The following C11orf65 variants were observed in gnomAD, a reference collection of about 807,000 sequenced individuals.
C11orf65 encodes chromosome 11 open reading frame 65.
In C11orf65, 38 loss-of-function variants were observed where a neutral mutation model predicts 35.3. That is an observed-to-expected ratio of 1.08 (90% CI 0.83 to 1.41). The LOEUF (loss-of-function observed/expected upper bound fraction) is 1.41, where lower values mean the gene tolerates loss of function less well. Among genes scored for constraint, C11orf65 ranks in the 40% most tolerant of loss-of-function variants. The probability of loss-of-function intolerance (pLI) is 0.00; values close to 1 mark genes in which losing one functional copy is unlikely to be tolerated. For synonymous variants in C11orf65, 105 were observed against 114.4 expected (o/e 0.92, Z 0.53); for missense variants, 370 against 367.1 (o/e 1.01, Z -0.06).
At chr11:108,468,268 G>A (rs2093559412), upstream of C11orf65, among the ~76,000 whole-genome samples, 1 of 152,208 alleles carries the variant, frequency 6.6e-6, no homozygotes, top group Admixed American at 6.5e-5. Context: ...CTAAATGTAA[G>A]CTCTTCAGCT....
chr11:108,448,905 C>A (rs1591588091), intron 2 of C11orf65, among the ~76,000 whole-genome samples: 1 of 152,324 alleles, frequency 6.6e-6, no homozygotes, highest in South Asian at 2.1e-4. Context: ...AGCCCAAAAT[C>A]TCCTTAAGCT....
intron 2 of C11orf65, among the ~76,000 whole-genome samples, chr11:108,338,656 A>T (rs58448902): frequency 7.0e-6 from 1 of 143,852 alleles, no homozygotes; most frequent in Admixed American, 6.9e-5. Context: ...AACTTGTCTT[A>T]AAAAAAAAAA....
chr11:108,343,514 T>C, intron 2 of C11orf65: 1 of 995,794 alleles, frequency 1.0e-6, no homozygotes, highest in Non-Finnish European at 1.5e-6. Flanking sequence ...GAAAAACTCA[T>C]CAGAATGAAA....
intron 6 of C11orf65, among the ~76,000 whole-genome samples, chr11:108,319,692 A>G (rs2060931018): frequency 6.6e-6 from 1 of 152,236 alleles, no homozygotes; most frequent in South Asian, 2.1e-4. Context: ...TGCCTGGCAC[A>G]TAATAGGTAT....
chr11:108,367,253 C>T, intron 2 of C11orf65: 1 of 179,812 alleles, frequency 5.6e-6, no homozygotes, highest in Non-Finnish European at 1.2e-5. Context: ...TCCCAAAGTG[C>T]TGGGATTACA....
upstream of C11orf65, among the ~76,000 whole-genome samples, chr11:108,468,069 C>T (rs1416706427): frequency 4.6e-5 from 7 of 152,048 alleles, no homozygotes; most frequent in Non-Finnish European, 1.0e-4. Flanking sequence ...TGGGCTCCAG[C>T]GATCCCCCCC....
downstream of C11orf65, chr11:108,331,330 T>C (rs2086210046): frequency 6.8e-7 from 1 of 1,470,436 alleles, no homozygotes; most frequent in South Asian, 1.4e-5. Context: ...AGTGAAGTTT[T>C]GTTAACCACT....
rs773925925 is a variant in C11orf65, at chr11:108,333,799, G to A, written c.299+1421C>T. On this transcript the variant is annotated intron_variant, in intron 3 of 3. Coordinates refer to the C11orf65 transcript ENST00000524755. Reference sequence around the variant, plus strand: ...GAACCACAGATTAGCAACAAGTTGGGGCCAGTGGTATCTGCTGACTATTCC... The same window carrying A: ...GAACCACAGATTAGCAACAAGTTGGAGCCAGTGGTATCTGCTGACTATTCC... 2.9e-6 allele frequency: 3 copies of A among 1,043,260 alleles called. No individual in the cohort carries two copies. In the African/African-American group the frequency reaches 4.7e-5, roughly 16 times the overall value. 64.6% of individuals were successfully genotyped at this position (1,043,260 alleles called of 1,614,324 possible).
At chr11:108,409,492 T>C (rs982420889) in intron 3 of C11orf65, among the ~76,000 whole-genome samples, 3 of 152,204 alleles carry the variant, frequency 2.0e-5, no homozygotes, top group African/African-American at 4.8e-5. Flanking sequence ...GTAGAAATCA[T>C]ACTTCACATT....
rs576552634 is a variant in C11orf65 at position 108,463,916 on chromosome 11, A to G, written c.-9-2348T>C. 1.0e-3 allele frequency among the ~76,000 whole-genome samples: 152 copies of G among 145,446 alleles called. 1 individual carries two copies. The Middle Eastern group carries it at 0.024, about 23-fold the overall frequency. On this transcript the variant is annotated intron_variant, in intron 1 of 8. Transcript: ENST00000393084. ...AGGAATGATATTTCAGGCCTAAAAG[A>G]TTTGTTAATTTTTTTTTTTTTTTTT...
At chr11:108,308,981 G>C in exon 7 of C11orf65, 1 of 1,515,152 alleles carries the variant, frequency 6.6e-7, no homozygotes, top group Non-Finnish European at 8.9e-7. Context: ...TTACCATTGG[G>C]GTAGAATGGT....
chr11:108,389,946 A>G (rs179109), intron 7 of C11orf65, among the ~76,000 whole-genome samples: 81,052 of 151,072 alleles, frequency 0.54, 22,310 homozygotes, highest in Middle Eastern at 0.74. Flanking sequence ...CGCCCTCCTC[A>G]GCCTCCCAAA....
intron 3 of C11orf65, among the ~76,000 whole-genome samples, chr11:108,414,006 G>A (rs534247235): frequency 4.3e-4 from 66 of 151,914 alleles, no homozygotes; most frequent in African/African-American, 1.5e-3. Context: ...TGCCTTGAGG[G>A]ACTAGAAAAG....
chr11:108,426,223 T>A (rs989909405), intron 3 of C11orf65, among the ~76,000 whole-genome samples: 13 of 152,222 alleles, frequency 8.5e-5, no homozygotes, highest in African/African-American at 2.9e-4. Context: ...TATTTGCAGA[T>A]GACATGATTG....
chr11:108,397,527 C>T (rs1468259729), intron 6 of C11orf65, among the ~76,000 whole-genome samples: 2 of 151,986 alleles, frequency 1.3e-5, no homozygotes, highest in Non-Finnish European at 2.9e-5. Context: ...GCTTAAGTTG[C>T]AAAGGAGGTT....
At chr11:108,393,964 GA>G (rs1188039723) in intron 6 of C11orf65, among the ~76,000 whole-genome samples, 3 of 152,026 alleles carry the variant, frequency 2.0e-5, no homozygotes, top group African/African-American at 7.2e-5. Flanking sequence ...GGTGGATCAC[GA>G]AGTCAGGAGT....
At chr11:108,330,673 G>A (rs1209639827), downstream of C11orf65, among the ~76,000 whole-genome samples, 1 of 152,174 alleles carries the variant, frequency 6.6e-6, no homozygotes, top group African/African-American at 2.4e-5. Flanking sequence ...AGTTTGTGTG[G>A]AGGTGATAGA....
Position 108,442,784 on chromosome 11 carries a change from T to C in C11orf65, c.82-10946A>G, listed in dbSNP as rs185039677. 8.0e-4 allele frequency among the ~76,000 whole-genome samples: 122 copies of C among 152,302 alleles called. 2 individuals carry two copies. Among genetic ancestry groups the C allele is most frequent in the South Asian group, 3.1e-3 (15 of 4,826 alleles). The stretch of plus-strand genomic sequence containing the variant: ...ACAGACAAGCAAATGCTGAGAGATT[T>C]TGTCATCACCAGGCCTCCCTTACAA... On this transcript the variant is annotated intron_variant, in intron 2 of 8. Coordinates refer to ENST00000393084, the MANE Select transcript of C11orf65 (RefSeq NM_152587.5).
intron 6 of C11orf65, among the ~76,000 whole-genome samples, chr11:108,397,133 C>T (rs184564693): frequency 6.3e-4 from 95 of 151,464 alleles, no homozygotes; most frequent in African/African-American, 2.2e-3. Flanking sequence ...CTGGCCTGGC[C>T]AACATGGTGA....
Sources: gnomAD v4.1 joint callset for allele counts (sites outside exome capture counted in the v4.1 genomes callset) on GRCh38, gnomAD v4.1.1 for gene constraint, MANE v1.5 for transcripts, NCBI Gene and HGNC (gene_info 2026-07-23, HGNC 2026-07-21) for gene names.